The following SUGCT variants were observed in gnomAD, a reference collection of about 807,000 sequenced individuals.
SUGCT encodes succinyl-CoA:glutarate-CoA transferase.
SUGCT carries 41 observed loss-of-function variants against 55.0 expected under a neutral mutation model. That is an observed-to-expected ratio of 0.74 (90% CI 0.58 to 0.97). The LOEUF is 0.97. Ranked by LOEUF, SUGCT falls within the 50% of genes least tolerant of loss-of-function variation. The pLI, the probability that SUGCT is intolerant of heterozygous loss-of-function variation, is 0.00. For synonymous variants in SUGCT, 187 were observed against 200.4 expected (o/e 0.93, Z 0.56); for missense variants, 568 against 547.8 (o/e 1.04, Z -0.37).
At chr7:40,182,588 A>T (rs1378974179) in intron 3 of SUGCT, among the ~76,000 whole-genome samples, 2 of 151,898 alleles carry the variant, frequency 1.3e-5, no homozygotes, top group Admixed American at 1.3e-4. Flanking sequence ...ATGAAAAAAA[A>T]GGGACTGAGA....
At chr7:40,562,084 G>T (rs1462453144) in intron 12 of SUGCT, among the ~76,000 whole-genome samples, 1 of 151,088 alleles carries the variant, frequency 6.6e-6, no homozygotes, top group Non-Finnish European at 1.5e-5. Context: ...TGGATCACAA[G>T]GTCAGGAGAT....
chr7:40,553,310 A>G (rs1475676196), intron 12 of SUGCT, among the ~76,000 whole-genome samples: 4 of 152,196 alleles, frequency 2.6e-5, no homozygotes, highest in Non-Finnish European at 5.9e-5. Context: ...AGAAAATAAC[A>G]TTCAGATAGT....
chr7:40,511,978 C>T (rs1377560921), intron 12 of SUGCT, among the ~76,000 whole-genome samples: 1 of 152,102 alleles, frequency 6.6e-6, no homozygotes, highest in Non-Finnish European at 1.5e-5. Context: ...AATCTATTCT[C>T]CACACAATTG....
the SUGCT span, among the ~76,000 whole-genome samples, chr7:40,988,684 T>C: frequency 6.6e-6 from 1 of 152,160 alleles, no homozygotes; most frequent in Non-Finnish European, 1.5e-5. Context: ...AATCAAAAGA[T>C]TGAGAAAAGC....
the SUGCT span, among the ~76,000 whole-genome samples, chr7:40,892,482 C>G: frequency 6.6e-5 from 10 of 152,182 alleles, no homozygotes; most frequent in South Asian, 2.1e-4. Context: ...AAACAATAAA[C>G]AAAATGTCAA....
At chr7:40,908,312 G>A in the SUGCT span, among the ~76,000 whole-genome samples, 52 of 151,340 alleles carry the variant, frequency 3.4e-4, no homozygotes, top group Non-Finnish European at 7.1e-4. Flanking sequence ...GAACCTGGGA[G>A]GTGGAGCTTG....
intron 12 of SUGCT, among the ~76,000 whole-genome samples, chr7:40,635,786 C>T (rs138496019): frequency 8.9e-4 from 135 of 152,256 alleles, no homozygotes; most frequent in African/African-American, 3.1e-3. Flanking sequence ...TTGTTTTCTC[C>T]CAATCAATGT....
intron 12 of SUGCT, among the ~76,000 whole-genome samples, chr7:40,732,271 T>C (rs1786931378): frequency 1.3e-5 from 2 of 152,222 alleles, no homozygotes; most frequent in South Asian, 4.1e-4. Flanking sequence ...CTTCCCCTTC[T>C]GTGTATCTGT....
At chr7:40,186,823 T>C (rs1187684776) in intron 3 of SUGCT, among the ~76,000 whole-genome samples, 1 of 152,202 alleles carries the variant, frequency 6.6e-6, no homozygotes, top group African/African-American at 2.4e-5. Flanking sequence ...GTGTCTGCTC[T>C]GCACAGAGCA....
intron 11 of SUGCT, among the ~76,000 whole-genome samples, chr7:40,485,809 T>A (rs988412819): frequency 1.3e-5 from 2 of 152,162 alleles, no homozygotes; most frequent in African/African-American, 4.8e-5. Flanking sequence ...TCAAGTGAAA[T>A]GATTATTCTG....
At chr7:41,027,701 TAA>T in the SUGCT span, among the ~76,000 whole-genome samples, 228 of 152,266 alleles carry the variant, frequency 1.5e-3, no homozygotes, top group African/African-American at 5.1e-3. Flanking sequence ...TTGTCTCATG[TAA>T]AAAAGTCTCA....
chr7:40,699,434 G>A (rs1785079343), intron 12 of SUGCT, among the ~76,000 whole-genome samples: 1 of 152,174 alleles, frequency 6.6e-6, no homozygotes, highest in Non-Finnish European at 1.5e-5. Context: ...AATGCTGCCA[G>A]GTTATACAGA....
intron 11 of SUGCT, among the ~76,000 whole-genome samples, chr7:40,489,774 T>C (rs1791583020): frequency 6.6e-6 from 1 of 152,168 alleles, no homozygotes; most frequent in Non-Finnish European, 1.5e-5. Flanking sequence ...TACTTTGTCA[T>C]GCACTTCACT....
intron 5 of SUGCT, among the ~76,000 whole-genome samples, chr7:40,192,118 A>AAG (rs1302432560): frequency 6.6e-6 from 1 of 151,756 alleles, no homozygotes; most frequent in East Asian, 1.9e-4. Context: ...AAAAAAAAAA[A>AAG]AAAAAAAAAA....
chr7:40,193,818 C>CT (rs917080606), intron 5 of SUGCT, among the ~76,000 whole-genome samples: 3 of 152,022 alleles, frequency 2.0e-5, no homozygotes, highest in Non-Finnish European at 4.4e-5. Context: ...CCAGGCTGGT[C>CT]TTGAACTCCT....
At chr7:40,248,559 T>C (rs1790070205) in intron 7 of SUGCT, among the ~76,000 whole-genome samples, 1 of 151,798 alleles carries the variant, frequency 6.6e-6, no homozygotes, top group Non-Finnish European at 1.5e-5. Flanking sequence ...CATGCGCAAT[T>C]ATTATTGTTA....
chr7:40,346,030 T>A (rs1419517472), intron 9 of SUGCT, among the ~76,000 whole-genome samples: 2 of 152,066 alleles, frequency 1.3e-5, no homozygotes, highest in East Asian at 3.9e-4. Flanking sequence ...ACCAAAGACT[T>A]AAACTCTGGT....
the SUGCT span, among the ~76,000 whole-genome samples, chr7:40,953,567 C>T: frequency 1.3e-5 from 2 of 152,152 alleles, no homozygotes; most frequent in Admixed American, 1.3e-4. Context: ...TCTGTTTTTT[C>T]CCCATCTTTG....
chr7:40,614,023 A>G (rs777964085), intron 12 of SUGCT, among the ~76,000 whole-genome samples: 30 of 152,018 alleles, frequency 2.0e-4, no homozygotes, highest in Non-Finnish European at 4.1e-4. Flanking sequence ...TCGTATGTCT[A>G]TGGTTTTTAG....
Sources: allele counts gnomAD v4.1 joint callset (sites outside exome capture counted in the v4.1 genomes callset), GRCh38; gene constraint gnomAD v4.1.1; transcripts MANE v1.5; gene names NCBI Gene and HGNC (gene_info 2026-07-23, HGNC 2026-07-21).